The following LYPD6 variants were observed in gnomAD, a reference collection of about 807,000 sequenced individuals.
LYPD6 encodes LY6/PLAUR domain containing 6.
Under a neutral mutation model 22.7 loss-of-function variants are expected in LYPD6, and 15 were observed. That is an observed-to-expected ratio of 0.66 (90% confidence interval 0.44 to 1.02). LYPD6 has a LOEUF of 1.02. Ranked by LOEUF, LYPD6 falls within the 50% of genes least tolerant of loss-of-function variation. LYPD6 has a pLI of 0.00. For synonymous variants in LYPD6, 72 were observed against 77.5 expected (o/e 0.93, Z 0.37); for missense variants, 189 against 208.4 (o/e 0.91, Z 0.57).
the LYPD6 span, among the ~76,000 whole-genome samples, chr2:149,483,317 A>C: frequency 3.3e-5 from 5 of 152,220 alleles, no homozygotes; most frequent in Non-Finnish European, 5.9e-5. Flanking sequence ...TGGAGGAAAA[A>C]AAGATGCTGA....
intron 3 of LYPD6, among the ~76,000 whole-genome samples, chr2:149,465,677 G>C (rs973316576): frequency 6.6e-6 from 1 of 152,122 alleles, no homozygotes; most frequent in Non-Finnish European, 1.5e-5. Context: ...AAACAATATT[G>C]GTGGGTAAAT....
At chr2:149,451,543 A>C (rs1490249716) in intron 3 of LYPD6, among the ~76,000 whole-genome samples, 1 of 152,180 alleles carries the variant, frequency 6.6e-6, no homozygotes, top group Non-Finnish European at 1.5e-5. Flanking sequence ...GATGGTATAC[A>C]AGTATATCCC....
At chr2:149,420,505 T>A (rs1217577728) in intron 1 of LYPD6, among the ~76,000 whole-genome samples, 1 of 152,116 alleles carries the variant, frequency 6.6e-6, no homozygotes. Flanking sequence ...CGAGTGTGCT[T>A]GGCTGGAAAG....
intron 3 of LYPD6, among the ~76,000 whole-genome samples, chr2:149,467,934 C>G (rs1447555609): frequency 6.6e-6 from 1 of 152,080 alleles, no homozygotes; most frequent in Non-Finnish European, 1.5e-5. Flanking sequence ...AGAGGGACCT[C>G]TGGAAACTCC....
chr2:149,369,397 T>C (rs142766445), intron 1 of LYPD6, among the ~76,000 whole-genome samples: 83 of 152,290 alleles, frequency 5.5e-4, no homozygotes, highest in African/African-American at 1.9e-3. Context: ...CATTGCTCTG[T>C]GTGGGTGACA....
chr2:149,443,318 C>T lies in LYPD6; in HGVS notation c.118+5492C>T, dbSNP rs1449715318. Among the ~76,000 whole-genome samples, 3 of 152,188 alleles carry T rather than the reference C, an allele frequency of 2.0e-5. No individual in the cohort carries two copies. In the East Asian group the frequency reaches 5.8e-4, roughly 29 times the overall value. On this transcript the variant is annotated intron_variant, in intron 2 of 4. Transcript: ENST00000334166. ...TTGATGGGAAAGTTTCCAGGAATAA[C>T]TAATTCAGTATTCCATCCAAAAATT...
At chr2:149,365,362 G>C (rs2105071745) in intron 1 of LYPD6, among the ~76,000 whole-genome samples, 1 of 152,302 alleles carries the variant, frequency 6.6e-6, no homozygotes, top group East Asian at 1.9e-4. Flanking sequence ...TTTTCTCTAA[G>C]GTTGTGCAAC....
downstream of LYPD6, among the ~76,000 whole-genome samples, chr2:149,474,447 A>C (rs912298499): frequency 2.6e-5 from 4 of 152,168 alleles, no homozygotes; most frequent in Admixed American, 1.3e-4. Flanking sequence ...GGCTCAAGCA[A>C]TCCTCCTACC....
At chr2:149,414,889 A>G (rs1209773554) in intron 1 of LYPD6, among the ~76,000 whole-genome samples, 1 of 152,248 alleles carries the variant, frequency 6.6e-6, no homozygotes, top group African/African-American at 2.4e-5. Context: ...GCTGGCAGGC[A>G]GGAACCAAAA....
At chr2:149,407,599 C>G (rs1240170980) in intron 1 of LYPD6, among the ~76,000 whole-genome samples, 1 of 152,178 alleles carries the variant, frequency 6.6e-6, no homozygotes, top group Non-Finnish European at 1.5e-5. Flanking sequence ...CCTTTAAGCA[C>G]TTCTCTGTAT....
At chr2:149,351,940 TTAC>T (rs1681366310) in intron 1 of LYPD6, among the ~76,000 whole-genome samples, 1 of 151,986 alleles carries the variant, frequency 6.6e-6, no homozygotes, top group Non-Finnish European at 1.5e-5. Context: ...GGCCACAGTC[TTAC>T]TGCTGCTGTG....
At chr2:149,375,454 C>A (rs148031704) in intron 1 of LYPD6, among the ~76,000 whole-genome samples, 177 of 152,204 alleles carry the variant, frequency 1.2e-3, no homozygotes, top group African/African-American at 4.2e-3. Context: ...TGTGGTCCTG[C>A]CCTCTGTATT....
intron 1 of LYPD6, among the ~76,000 whole-genome samples, chr2:149,361,250 T>C (rs376829314): frequency 1.3e-5 from 2 of 152,156 alleles, no homozygotes; most frequent in East Asian, 1.9e-4. Flanking sequence ...ATTCCTTATA[T>C]AGATTTAAGT....
At chr2:149,457,435 T>C (rs1680986850) in intron 3 of LYPD6, among the ~76,000 whole-genome samples, 1 of 152,190 alleles carries the variant, frequency 6.6e-6, no homozygotes, top group South Asian at 2.1e-4. Flanking sequence ...CCCTGTGTTA[T>C]ATGTTGGAGG....
At chr2:149,375,821 T>C (rs2105081813) in intron 1 of LYPD6, among the ~76,000 whole-genome samples, 2 of 152,272 alleles carry the variant, frequency 1.3e-5, no homozygotes, top group Admixed American at 1.3e-4. Context: ...TCTGGGATGA[T>C]GGGAAGCTGA....
downstream of LYPD6, among the ~76,000 whole-genome samples, chr2:149,477,932 T>TAATTAGC (rs1432481491): frequency 2.6e-5 from 4 of 152,190 alleles, no homozygotes; most frequent in African/African-American, 7.2e-5. Flanking sequence ...GAGAAATTGG[T>TAATTAGC]AATTAGCTGT....
chr2:149,405,077 A>G (rs983618892), intron 1 of LYPD6, among the ~76,000 whole-genome samples: 1 of 152,158 alleles, frequency 6.6e-6, no homozygotes, highest in African/African-American at 2.4e-5. Context: ...CATCCCAGAG[A>G]TGAAGCCCAC....
At chr2:149,370,029 G>A (rs1456495339) in intron 1 of LYPD6, among the ~76,000 whole-genome samples, 2 of 152,122 alleles carry the variant, frequency 1.3e-5, no homozygotes, top group Non-Finnish European at 2.9e-5. Flanking sequence ...ACCAAGGCTG[G>A]CAGGAAAGTG....
At chr2:149,419,878 A>G (rs1012333815) in intron 1 of LYPD6, among the ~76,000 whole-genome samples, 1 of 152,142 alleles carries the variant, frequency 6.6e-6, no homozygotes, top group Admixed American at 6.5e-5. Flanking sequence ...TCATAAGGAA[A>G]AAGACCTTGC....
Sources: gnomAD v4.1 joint callset for allele counts (sites outside exome capture counted in the v4.1 genomes callset) on GRCh38, gnomAD v4.1.1 for gene constraint, MANE v1.5 for transcripts, NCBI Gene and HGNC (gene_info 2026-07-23, HGNC 2026-07-21) for gene names.